The following SH3PXD2A variants were observed in gnomAD, a reference collection of about 807,000 sequenced individuals.
SH3PXD2A encodes SH3 and PX domains 2A.
Under a neutral mutation model 115.2 loss-of-function variants are expected in SH3PXD2A, and 32 were observed. The ratio of observed to expected loss-of-function variants is 0.28; its 90% CI spans 0.21 to 0.37. The LOEUF is 0.37. SH3PXD2A is among the 10% of genes least tolerant of loss of function. The pLI, the probability that SH3PXD2A is intolerant of heterozygous loss-of-function variation, is 1.00. For missense variants in SH3PXD2A, 1,328 were observed against 1,498.7 expected, an observed-to-expected ratio of 0.89 and a Z score of 1.88; for synonymous variants, 610 against 629.1, an observed-to-expected ratio of 0.97 and a Z score of 0.45.
intron 6 of SH3PXD2A, among the ~76,000 whole-genome samples, chr10:103,679,914 T>A (rs557982103): frequency 5.5e-4 from 84 of 152,300 alleles, no homozygotes; most frequent in African/African-American, 2.0e-3. Flanking sequence ...CTCACAGGGA[T>A]CCAGAAGCAG....
At chr10:103,748,912 C>T (rs1191869158) in intron 3 of SH3PXD2A, among the ~76,000 whole-genome samples, 2 of 152,120 alleles carry the variant, frequency 1.3e-5, no homozygotes, top group Non-Finnish European at 2.9e-5. Flanking sequence ...GGTGAGAAGA[C>T]ACCAGAACCT....
At chr10:103,717,564 A>G (rs2038120143) in intron 5 of SH3PXD2A, among the ~76,000 whole-genome samples, 1 of 151,960 alleles carries the variant, frequency 6.6e-6, no homozygotes, top group Non-Finnish European at 1.5e-5. Context: ...GGCTGCAGAG[A>G]TGCAAAGGTG....
intron 3 of SH3PXD2A, chr10:103,736,743 T>C (rs2038385070): frequency 7.8e-7 from 1 of 1,287,588 alleles, no homozygotes; most frequent in Non-Finnish European, 1.0e-6. Context: ...GTGACCCATT[T>C]TGGGGCCCAT....
At chr10:103,719,721 CTTT>C (rs11438501) in intron 5 of SH3PXD2A, among the ~76,000 whole-genome samples, 1 of 114,712 alleles carries the variant, frequency 8.7e-6, no homozygotes, top group African/African-American at 3.5e-5. Flanking sequence ...TTTTTTCTTT[CTTT>C]TTTTTTTTTT....
In SH3PXD2A at chr10:103,690,789, A is replaced by T. The variant is rs545378499; in HGVS notation, c.427+2239T>A. On this transcript the variant is annotated intron_variant, in intron 6 of 14. Coordinates refer to ENST00000369774, the MANE Select transcript of SH3PXD2A (RefSeq NM_001394015.1). ...GAATATTATCCCAAATGTACAGAAG[A>T]AGTAATGGGCACAGAGAGGCTAAGA... Among the ~76,000 whole-genome samples the T allele has an allele frequency of 1.5e-3, 227 of 152,346 alleles. 1 individual carries two copies. The highest frequency in any genetic ancestry group is 2.8e-3 in the Non-Finnish European group (188 of 68,032).
chr10:103,606,191 TCA>T, intron 13 of SH3PXD2A, among the ~76,000 whole-genome samples: 1 of 150,568 alleles, frequency 6.6e-6, no homozygotes, highest in South Asian at 2.1e-4. Flanking sequence ...ATCATCATCA[TCA>T]TCATCATCAT....
At chr10:103,773,508 C>T (rs1253100368) in intron 2 of SH3PXD2A, among the ~76,000 whole-genome samples, 6 of 151,006 alleles carry the variant, frequency 4.0e-5, no homozygotes, top group East Asian at 4.0e-4. Flanking sequence ...GGTGCAATCT[C>T]GGCTCACTGC....
intron 13 of SH3PXD2A, 26 bp from the exon 14 acceptor site, chr10:103,605,943 C>A: frequency 1.9e-6 from 3 of 1,611,516 alleles, no homozygotes; most frequent in Non-Finnish European, 2.5e-6. Context: ...ACACAGTGGG[C>A]AAAACCCGCC....
intron 2 of SH3PXD2A, among the ~76,000 whole-genome samples, chr10:103,768,970 C>CTCTTG (rs898729656): frequency 1.3e-5 from 2 of 152,010 alleles, no homozygotes; most frequent in African/African-American, 2.4e-5. Flanking sequence ...TAACAACTGG[C>CTCTTG]TCTCACTCAT....
chr10:103,717,543 C>T (rs1008897286), intron 5 of SH3PXD2A, among the ~76,000 whole-genome samples: 4 of 152,226 alleles, frequency 2.6e-5, no homozygotes, highest in Non-Finnish European at 4.4e-5. Context: ...GGCGTGGCCA[C>T]TGGGCCAGGA....
At chr10:103,724,575 C>G (rs952713782) in intron 4 of SH3PXD2A, among the ~76,000 whole-genome samples, 2 of 151,938 alleles carry the variant, frequency 1.3e-5, no homozygotes, top group South Asian at 4.2e-4. Flanking sequence ...CCTTCCTTCC[C>G]TCCCTCTTTC....
In SH3PXD2A at chr10:103,602,570, C is replaced by T. The variant is rs1415409676; in HGVS notation, c.2648G>A (p.Gly883Glu). The change falls in exon 15 of 15, where the codon GGG (glycine) becomes GAG (glutamate). Residue 883 changes from glycine to glutamate, a missense_variant. Gly to Glu is a moderately conservative substitution (Grantham distance 98). Transcript: ENST00000369774. The stretch of plus-strand genomic sequence containing the variant: ...GGAAGGGGCCCAGCCCTCCAGCTCC[C>T]CAAACCTCACATACCACCACCCGCT... ...QESGWWYVRF[G>E]ELEGWAPSHY... 6.2e-7 allele frequency: 1 copy of T among 1,614,214 alleles called. No homozygotes were observed. Among genetic ancestry groups the T allele is most frequent in the African/African-American group, 1.3e-5 (1 of 75,060 alleles).
At chr10:103,700,293 G>C (rs1023398671) in intron 5 of SH3PXD2A, among the ~76,000 whole-genome samples, 1 of 152,234 alleles carries the variant, frequency 6.6e-6, no homozygotes, top group Non-Finnish European at 1.5e-5. Flanking sequence ...TAAAATAGTT[G>C]CTATCTTACA....
chr10:103,637,884 G>T (rs2133977628), intron 8 of SH3PXD2A, among the ~76,000 whole-genome samples: 1 of 152,274 alleles, frequency 6.6e-6, no homozygotes, highest in Non-Finnish European at 1.5e-5. Flanking sequence ...CCTTTCCCAT[G>T]ACCTCCAGGC....
chr10:103,842,661 G>A (rs1049335233), intron 1 of SH3PXD2A, among the ~76,000 whole-genome samples: 7 of 151,858 alleles, frequency 4.6e-5, no homozygotes, highest in Admixed American at 2.6e-4. Flanking sequence ...CCGTCTTTCC[G>A]CACCTGGCTT....
intron 5 of SH3PXD2A, among the ~76,000 whole-genome samples, chr10:103,700,769 C>G (rs574151686): frequency 6.6e-4 from 101 of 152,322 alleles, no homozygotes; most frequent in African/African-American, 2.3e-3. Flanking sequence ...AAATGCCAGA[C>G]TGTTCTTGGC....
chr10:103,740,259 T>C (rs1337406534), intron 3 of SH3PXD2A, among the ~76,000 whole-genome samples: 1 of 152,156 alleles, frequency 6.6e-6, no homozygotes, highest in East Asian at 1.9e-4. Flanking sequence ...GTCACACAGC[T>C]ATCTAGTGGC....
intron 2 of SH3PXD2A, among the ~76,000 whole-genome samples, chr10:103,793,134 A>C (rs776803359): frequency 1.7e-4 from 26 of 152,222 alleles, no homozygotes; most frequent in Non-Finnish European, 3.4e-4. Context: ...ATAATATATG[A>C]ATGCATTCTC....
rs2036579539 is a variant in SH3PXD2A, at chr10:103,620,017, C to A, written c.802+2453G>T. Among the ~76,000 whole-genome samples, 1 of 152,202 alleles carries A rather than the reference C, an allele frequency of 6.6e-6. No homozygotes were observed. The highest frequency in any genetic ancestry group is 6.5e-5 in the Admixed American group (1 of 15,282). The stretch of plus-strand genomic sequence containing the variant: ...GACACAGGCCTTGTGGGTCTCAGGC[C>A]TTCCAACTCACAGGTGTCCCAAGGA... On this transcript the variant is annotated intron_variant, in intron 10 of 14. Coordinates refer to ENST00000369774, the MANE Select transcript of SH3PXD2A (RefSeq NM_001394015.1). The surrounding 1 kb of genome is among the most constrained non-coding windows in gnomAD (Gnocchi z 5.3).
Sources: gnomAD v4.1 joint callset for allele counts (sites outside exome capture counted in the v4.1 genomes callset) on GRCh38, gnomAD v4.1.1 for gene constraint, Gnocchi (gnomAD v3.1) non-coding constraint, MANE v1.5 for transcripts, NCBI Gene and HGNC (gene_info 2026-07-23, HGNC 2026-07-21) for gene names.